CEP128: variants seen among roughly 807,000 people sequenced by gnomAD.
The protein encoded by CEP128 is centrosomal protein 128.
Under a neutral mutation model 156.7 loss-of-function variants are expected in CEP128, and 132 were observed. That is an observed-to-expected ratio of 0.84 (90% CI 0.73 to 0.97). The LOEUF (loss-of-function observed/expected upper bound fraction) is 0.97. CEP128 is among the 50% of genes least tolerant of loss of function. The pLI is 0.00. For missense variants in CEP128, 1,252 were observed against 1,281.9 expected, an observed-to-expected ratio of 0.98 and a Z score of 0.36; for synonymous variants, 469 against 448.9, an observed-to-expected ratio of 1.04 and a Z score of -0.57.
At position 80,792,761 on chromosome 14, in the gene CEP128, T is replaced by C. The variant is rs748087410; in HGVS notation, c.1559A>G (p.Gln520Arg). The change falls in exon 14 of 25, where the codon CAG (glutamine) becomes CGG (arginine). Residue 520 changes from glutamine (Q) to arginine (R), a missense_variant and splice_region_variant. Physicochemically the swap from Gln to Arg is conservative, Grantham distance 43. Coordinates refer to ENST00000555265, the MANE Select transcript of CEP128 (RefSeq NM_152446.5). Reference protein sequence around the residue: ...TVDELTGKNNQILKEKDELKT... With the variant: ...TVDELTGKNNRILKEKDELKT... ...TCCTTAGGAATGTGGCTTTTATACC[T>C]GATTATTCTTGCCTGTCAGTTCATC... 1.2e-6 allele frequency: 2 copies of C among 1,612,394 alleles called. No homozygotes were observed. Among genetic ancestry groups the C allele is most frequent in the South Asian group, 2.2e-5 (2 of 91,052 alleles).
At chr14:80,539,655 T>C (rs1889651942) in intron 21 of CEP128, among the ~76,000 whole-genome samples, 1 of 151,994 alleles carries the variant, frequency 6.6e-6, no homozygotes, top group Non-Finnish European at 1.5e-5. Flanking sequence ...CAGCAGCAAT[T>C]TTTAGGGAAC....
chr14:80,520,421 AAAACAAAC>A (rs776394627), intron 23 of CEP128, among the ~76,000 whole-genome samples: 1 of 85,542 alleles, frequency 1.2e-5, no homozygotes, highest in African/African-American at 3.0e-5. Flanking sequence ...TCCATCTAAA[AAAACAAAC>A]AAACAAACAA....
At chr14:80,817,415 G>A (rs764972230) in intron 13 of CEP128, among the ~76,000 whole-genome samples, 2 of 152,096 alleles carry the variant, frequency 1.3e-5, no homozygotes, top group Non-Finnish European at 2.9e-5. Context: ...CATGTCAAAC[G>A]TAGGAGACAA....
downstream of CEP128, among the ~76,000 whole-genome samples, chr14:80,495,476 C>T (rs573738842): frequency 1.1e-3 from 161 of 152,142 alleles, no homozygotes; most frequent in African/African-American, 3.8e-3. Context: ...AAGTCAGACA[C>T]CTTCATTCAT....
At chr14:80,891,570 A>T (rs573752695) in intron 8 of CEP128, among the ~76,000 whole-genome samples, 1 of 148,850 alleles carries the variant, frequency 6.7e-6, no homozygotes, top group East Asian at 2.0e-4. Context: ...GAGGAGATGG[A>T]ATGGTTACTA....
intron 4 of CEP128, among the ~76,000 whole-genome samples, chr14:80,906,337 G>A (rs1883884843): frequency 1.3e-5 from 2 of 152,220 alleles, no homozygotes. Flanking sequence ...ATGTGGAAGA[G>A]ATGTCTACTG....
At chr14:80,934,045 C>A (rs1350782364) in intron 2 of CEP128, among the ~76,000 whole-genome samples, 2 of 152,170 alleles carry the variant, frequency 1.3e-5, no homozygotes. Context: ...TCCATGCAAG[C>A]AAGTCACTTA....
chr14:80,934,451 G>A (rs956618688), intron 2 of CEP128, among the ~76,000 whole-genome samples: 8 of 152,110 alleles, frequency 5.3e-5, no homozygotes, highest in South Asian at 4.1e-4. Context: ...GTACAAACGC[G>A]AGAACCACCA....
Position 80,496,751 on chromosome 14 carries a change from C to T in CEP128, c.*728G>A, listed in dbSNP as rs989109212. 3 of 152,178 alleles carry T rather than the reference C, an allele frequency of 2.0e-5. No homozygotes were observed. Among genetic ancestry groups the T allele is most frequent in the Admixed American group, 1.3e-4 (2 of 15,270 alleles). 9.4% of individuals were successfully genotyped at this position (152,178 alleles called of 1,614,324 possible). ...GATTTTAGTCACAGTAAACCAAAGACGGTCCAGGATATGACTGAAGTGATC... is the reference window on the plus strand; with the variant it reads ...GATTTTAGTCACAGTAAACCAAAGATGGTCCAGGATATGACTGAAGTGATC... On this transcript the variant is annotated 3_prime_UTR_variant, in exon 25 of 25. Transcript: ENST00000555265.
chr14:80,613,316 T>G, intron 19 of CEP128, among the ~76,000 whole-genome samples: 1 of 137,084 alleles, frequency 7.3e-6, no homozygotes, highest in Non-Finnish European at 1.6e-5. Flanking sequence ...TTTTTTTTTT[T>G]TTTTGAGACG....
chr14:80,635,996 T>C (rs1894166649), intron 19 of CEP128, among the ~76,000 whole-genome samples: 1 of 152,254 alleles, frequency 6.6e-6, no homozygotes. Context: ...TTTCTCATTA[T>C]GTATATGCAA....
At chr14:80,773,891 ATTCT>A (rs1900646658) in intron 16 of CEP128, among the ~76,000 whole-genome samples, 1 of 152,190 alleles carries the variant, frequency 6.6e-6, no homozygotes, top group African/African-American at 2.4e-5. Flanking sequence ...ATGGGAGAAA[ATTCT>A]TTCTATAATA....
downstream of CEP128, among the ~76,000 whole-genome samples, chr14:80,493,690 C>G (rs1453325407): frequency 3.9e-5 from 6 of 152,196 alleles, no homozygotes; most frequent in Non-Finnish European, 1.5e-5. Flanking sequence ...AAACCCTAGA[C>G]TCGGCCCTTA....
At chr14:80,672,307 CAA>C (rs11323956) in intron 19 of CEP128, among the ~76,000 whole-genome samples, 205 of 145,110 alleles carry the variant, frequency 1.4e-3, no homozygotes, top group Admixed American at 1.9e-3. Context: ...CCTAATAAGC[CAA>C]AAAAAAAAAA....
chr14:80,949,799 A>T (rs1886423580), intron 2 of CEP128, among the ~76,000 whole-genome samples: 1 of 152,220 alleles, frequency 6.6e-6, no homozygotes, highest in Admixed American at 6.5e-5. Context: ...TGCCATCCAA[A>T]CAAAAATTAT....
At chr14:80,958,179 G>A (rs570200805) in exon 2 of CEP128, 1 of 152,210 alleles carries the variant, frequency 6.6e-6, no homozygotes, top group East Asian at 1.9e-4. Context: ...TTTACTTACG[G>A]GGGCGGGGGG....
downstream of CEP128, among the ~76,000 whole-genome samples, chr14:80,495,445 G>A (rs1458748151): frequency 2.0e-5 from 3 of 152,108 alleles, no homozygotes; most frequent in Non-Finnish European, 4.4e-5. Flanking sequence ...TGCCTTTGAA[G>A]TTCTAGTGTG....
At chr14:80,658,836 A>G (rs1390774722) in intron 19 of CEP128, among the ~76,000 whole-genome samples, 1 of 152,178 alleles carries the variant, frequency 6.6e-6, no homozygotes, top group East Asian at 1.9e-4. Flanking sequence ...CACATTAGCT[A>G]CGAAGCTTTT....
In CEP128 at chr14:80,521,054, G is replaced by A. The variant is rs368604792; in HGVS notation, c.3072+5815C>T. Among the ~76,000 whole-genome samples the A allele has an allele frequency of 1.2e-4, 18 of 147,434 alleles. No homozygotes were observed. The East Asian group carries it at 2.8e-3, about 23-fold the overall frequency. On this transcript the variant is annotated intron_variant, in intron 23 of 24. Coordinates refer to ENST00000555265, the MANE Select transcript of CEP128 (RefSeq NM_152446.5). ...GAAAGGGTTTCACCATGTTAGCCAG[G>A]ATGGTCTCGATCTCCTGACCTCATG... is the stretch of plus-strand genomic sequence containing the variant.
Sources: gnomAD v4.1 joint callset for allele counts (sites outside exome capture counted in the v4.1 genomes callset) on GRCh38, gnomAD v4.1.1 for gene constraint, MANE v1.5 for transcripts, NCBI Gene and HGNC (gene_info 2026-07-23, HGNC 2026-07-21) for gene names.